The following ACO1 variants were observed in gnomAD, a reference collection of about 807,000 sequenced individuals.
ACO1 encodes the protein aconitase 1.
ACO1 carries 78 observed loss-of-function variants against 105.1 expected under a neutral mutation model. The ratio of observed to expected loss-of-function variants is 0.74; its 90% CI spans 0.62 to 0.90. ACO1 has a LOEUF of 0.90. ACO1 is among the 40% of genes least tolerant of loss of function. The pLI is 0.00. For missense variants in ACO1, 965 were observed against 1,111.1 expected, an observed-to-expected ratio of 0.87 and a Z score of 1.87; for synonymous variants, 364 against 397.4, an observed-to-expected ratio of 0.92 and a Z score of 1.00.
intron 6 of ACO1, 93 bp downstream of exon 6, chr9:32,418,604 A>T: frequency 7.1e-7 from 1 of 1,400,108 alleles, no homozygotes; most frequent in Non-Finnish European, 9.7e-7. Context: ...ACATGACCAC[A>T]AGTTTCCGAG....
At position 32,450,543 on chromosome 9, in the gene ACO1, T is replaced by TATTA. The variant is rs1275427361; in HGVS notation, c.*437_*440dup. The TATTA allele has an allele frequency of 3.6e-6, 1 of 275,472 alleles. No homozygotes were observed. Among genetic ancestry groups the TATTA allele is most frequent in the Admixed American group, 5.0e-5 (1 of 19,982 alleles). The allele number at this position is 275,472 out of a possible 1,614,324, so 17.1% of individuals were successfully genotyped here. On this transcript the variant is annotated 3_prime_UTR_variant, in exon 21 of 21. Transcript: ENST00000309951. ...CTCTTGAGGGTCATTTTCCTTTCTG[T>TATTA]ATTAATTATACCAGTGTTAAGTGAC...
intron 4 of ACO1, among the ~76,000 whole-genome samples, chr9:32,415,519 G>A (rs915254871): frequency 4.6e-5 from 7 of 152,168 alleles, no homozygotes; most frequent in African/African-American, 1.7e-4. Context: ...TTCTTGGTGC[G>A]CATGCCCGAA....
intron 12 of ACO1, among the ~76,000 whole-genome samples, chr9:32,428,347 C>T (rs1055193868): frequency 5.9e-5 from 9 of 151,408 alleles, no homozygotes; most frequent in African/African-American, 2.2e-4. Context: ...TCAGGATTGT[C>T]AGTATTACTG....
chr9:32,419,064 G>C lies in ACO1; in HGVS notation c.685G>C (p.Val229Leu), dbSNP rs1274018433. The C allele has an allele frequency of 1.2e-6, 2 of 1,607,046 alleles. No individual in the cohort carries two copies. The highest frequency in any genetic ancestry group is 1.7e-6 in the Non-Finnish European group (2 of 1,176,520). The change falls in exon 7 of 21, where the codon GTC becomes CTC. Residue 229 changes from valine (V) to leucine (L), a missense_variant. Physicochemically the swap from Val to Leu is conservative, Grantham distance 32. Transcript: ENST00000309951. Reference sequence around the variant, plus strand: ...TGTCGGTGGTATTGAAGCAGAAGCTGTCATGCTGGGTCAGCCAATCAGTAT... The same window carrying C: ...TGTCGGTGGTATTGAAGCAGAAGCTCTCATGCTGGGTCAGCCAATCAGTAT... ...WGVGGIEAEA[V>L]MLGQPISMVL...
intron 2 of ACO1, among the ~76,000 whole-genome samples, chr9:32,406,082 A>G (rs1821603059): frequency 6.6e-6 from 1 of 152,214 alleles, no homozygotes; most frequent in South Asian, 2.1e-4. Flanking sequence ...TCAAAATGGA[A>G]TTTTTATAAA....
At chr9:32,420,399 T>G (rs1335489735) in intron 7 of ACO1, among the ~76,000 whole-genome samples, 1 of 152,236 alleles carries the variant, frequency 6.6e-6, no homozygotes, top group African/African-American at 2.4e-5. Context: ...CTTGAAATAT[T>G]TTTCTTAATA....
In ACO1 at chr9:32,444,565, C is replaced by T. The variant is rs551073331; in HGVS notation, c.2370+3978C>T. ...CATTGTGGTTTTGATTTGCATTTCT[C>T]TAATGACCAGTGAGGATGAGCATTT... On this transcript the variant is annotated intron_variant, in intron 19 of 20. Transcript: ENST00000309951. Among the ~76,000 whole-genome samples the T allele has an allele frequency of 2.6e-3, 402 of 152,322 alleles. 16 individuals carry two copies. In the East Asian group the frequency reaches 0.064, roughly 24 times the overall value.
rs1211295511 is a variant in ACO1 at position 32,389,659 on chromosome 9, G to A, written c.-23+4924G>A. Among the ~76,000 whole-genome samples the A allele has an allele frequency of 2.2e-5, 3 of 136,360 alleles. No homozygotes were observed. The Admixed American group carries it at 2.3e-4, about 11-fold the overall frequency. 89.5% of individuals were successfully genotyped at this position (136,360 alleles called of 152,430 possible). A position where few individuals can be genotyped will look rare whatever the true frequency, so the allele number is the denominator to read the frequency against. ...GCTGACCGTCTCCCTAGATCGACTG[G>A]CCTTCATTTCTTTTTTTTTTTTTTT... On this transcript the variant is annotated intron_variant, in intron 1 of 20. Transcript: ENST00000309951.
At chr9:32,431,478 C>T (rs1261587298) in intron 14 of ACO1, among the ~76,000 whole-genome samples, 1 of 152,090 alleles carries the variant, frequency 6.6e-6, no homozygotes, top group Non-Finnish European at 1.5e-5. Flanking sequence ...TCAACAATTG[C>T]TATTAAATAA....
At chr9:32,406,720 C>T (rs1252677603) in intron 2 of ACO1, among the ~76,000 whole-genome samples, 1 of 152,230 alleles carries the variant, frequency 6.6e-6, no homozygotes. Flanking sequence ...CAGGACAAGA[C>T]AACCATTTAA....
chr9:32,418,943 C>G (rs926004501), intron 6 of ACO1, 95 bp from the exon 7 acceptor site: 1 of 1,366,168 alleles, frequency 7.3e-7, no homozygotes, highest in Non-Finnish European at 9.7e-7. Context: ...AACGTTGTAA[C>G]TGGGTTTATT....
chr9:32,440,513 CT>C lies in ACO1; in HGVS notation c.2297del (p.Leu766ArgfsTer48), dbSNP rs749096242. ...GCGGTACCAGCAGGCAGGCCTTCCC[CT>C]GATCGTTCTGGCTGGCAAAGAGTAC... ...AERYQQAGLP[L>X]IVLAGKEYGA... On this transcript the variant is annotated frameshift_variant, in exon 19 of 21. Transcript: ENST00000309951. LOFTEE classifies it high-confidence loss of function. 4.3e-6 allele frequency: 7 copies of C among 1,614,040 alleles called. No individual in the cohort carries two copies. The highest frequency in any genetic ancestry group is 1.7e-5 in the Admixed American group (1 of 60,026).
intron 19 of ACO1, among the ~76,000 whole-genome samples, chr9:32,446,460 T>TA (rs1333217143): frequency 6.6e-6 from 1 of 152,162 alleles, no homozygotes; most frequent in Non-Finnish European, 1.5e-5. Flanking sequence ...CTCCATCCCT[T>TA]TATTTTGAGC....
rs1384489589 is a variant in ACO1 at position 32,396,608 on chromosome 9, C to CT, written c.-22-8874dup. On this transcript the variant is annotated intron_variant, in intron 1 of 20. Coordinates refer to ENST00000309951, the MANE Select transcript of ACO1 (RefSeq NM_002197.3). Reference sequence around the variant, plus strand: ...AGTGGCTGAACATCAGTGAGGCCTTCTTTGATCACTGACACTCCCCACAGC... The same window carrying CT: ...AGTGGCTGAACATCAGTGAGGCCTTCTTTTGATCACTGACACTCCCCACAGC... 4.6e-5 allele frequency among the ~76,000 whole-genome samples: 7 copies of CT among 152,294 alleles called. No homozygotes were observed. In the East Asian group the frequency reaches 1.4e-3, roughly 29 times the overall value.
At chr9:32,421,109 C>G (rs1821965665) in intron 8 of ACO1, 82 bp downstream of exon 8, 2 of 1,441,090 alleles carry the variant, frequency 1.4e-6, no homozygotes, top group Non-Finnish European at 1.9e-6. Context: ...CCTTCTGCCT[C>G]TACCCAACAG....
chr9:32,437,482 A>C (rs1239678280), intron 18 of ACO1, among the ~76,000 whole-genome samples: 1 of 152,244 alleles, frequency 6.6e-6, no homozygotes, highest in African/African-American at 2.4e-5. Flanking sequence ...AGAATATTAA[A>C]TGTAAAAAGA....
chr9:32,425,738 T>G, intron 10 of ACO1, 100 bp from the exon 11 acceptor site: 5 of 773,146 alleles, frequency 6.5e-6, no homozygotes, highest in Non-Finnish European at 9.5e-6. Context: ...TCTTCTCAAG[T>G]GAGAACTGTT....
intron 7 of ACO1, among the ~76,000 whole-genome samples, chr9:32,420,151 T>G (rs1821940532): frequency 6.6e-6 from 1 of 152,220 alleles, no homozygotes; most frequent in Non-Finnish European, 1.5e-5. Context: ...GAAACTGGCT[T>G]TATGCAGAGC....
chr9:32,448,793 C>T, intron 19 of ACO1, 103 bp from the exon 20 acceptor site: 2 of 1,216,024 alleles, frequency 1.6e-6, no homozygotes, highest in Non-Finnish European at 2.4e-6. Context: ...TGGAGCTGTT[C>T]CTATTCGGCC....
Sources: gnomAD v4.1 joint callset for allele counts (sites outside exome capture counted in the v4.1 genomes callset) on GRCh38, gnomAD v4.1.1 for gene constraint, MANE v1.5 for transcripts, NCBI Gene and HGNC (gene_info 2026-07-23, HGNC 2026-07-21) for gene names.